PTH2R: variants seen among roughly 807,000 people sequenced by gnomAD.
PTH2R encodes PTH2 receptor.
A neutral mutation model predicts 60.3 loss-of-function variants in PTH2R; 59 were observed. That is an observed-to-expected ratio of 0.98 (90% CI 0.79 to 1.22). The LOEUF (loss-of-function observed/expected upper bound fraction) is 1.22, where lower values mean the gene tolerates loss of function less well. PTH2R is among the 50% of genes most tolerant of loss of function. The pLI, the probability that PTH2R is intolerant of heterozygous loss-of-function variation, is 0.00. For missense variants in PTH2R, 749 were observed against 682.6 expected, an observed-to-expected ratio of 1.10 and a Z score of -1.08; for synonymous variants, 256 against 243.8, an observed-to-expected ratio of 1.05 and a Z score of -0.47.
At chr2:208,370,457 A>T (rs1008741727) in intron 1 of PTH2R, among the ~76,000 whole-genome samples, 7 of 149,490 alleles carry the variant, frequency 4.7e-5, no homozygotes, top group Non-Finnish European at 1.5e-5. Flanking sequence ...AAAAAAAAAA[A>T]AAAAAAAAAA....
chr2:208,429,297 A>G (rs1701922446), intron 2 of PTH2R, among the ~76,000 whole-genome samples: 2 of 152,040 alleles, frequency 1.3e-5, no homozygotes, highest in African/African-American at 2.4e-5. Context: ...ATTTTCTGAG[A>G]TATATATATC....
rs549278439 is a variant in PTH2R at position 208,422,924 on chromosome 2, C to T, written c.76-5277C>T. On this transcript the variant is annotated intron_variant, in intron 1 of 12. Transcript: ENST00000272847. ...CCTTTGCACTTCCCACTCCTCAACTCCTGGCAACCACTATCTCCTTTTCAT... is the reference window on the plus strand; with the variant it reads ...CCTTTGCACTTCCCACTCCTCAACTTCTGGCAACCACTATCTCCTTTTCAT... Among the ~76,000 whole-genome samples the T allele has an allele frequency of 3.2e-4, 48 of 152,274 alleles. No homozygotes were observed. The South Asian group carries it at 1.0e-2, about 32-fold the overall frequency.
chr2:208,364,878 C>A lies in PTH2R; in HGVS notation c.-259+4641C>A, dbSNP rs142950906. Among the ~76,000 whole-genome samples, 491 of 152,092 alleles carry A rather than the reference C, an allele frequency of 3.2e-3. 8 individuals are homozygous for A. Among genetic ancestry groups the A allele is most frequent in the African/African-American group, 0.012 (483 of 41,522 alleles). ...ATAGTTTTCATTATATAAGTTTTTA[C>A]TTCCTTAGTCAATTTCTAAGAATTG... On this transcript the variant is annotated intron_variant, in intron 1 of 12. Transcript: ENST00000617735.
intron 1 of PTH2R, among the ~76,000 whole-genome samples, chr2:208,369,663 T>C (rs758592992): frequency 1.3e-5 from 2 of 152,066 alleles, no homozygotes; most frequent in Non-Finnish European, 2.9e-5. Context: ...TGGCCTGGTC[T>C]CATTTTTATG....
At chr2:208,421,511 G>C (rs1283524209) in intron 1 of PTH2R, among the ~76,000 whole-genome samples, 1 of 151,788 alleles carries the variant, frequency 6.6e-6, no homozygotes, top group African/African-American at 2.4e-5. Flanking sequence ...TAGTTTCATG[G>C]TTCATAAAGG....
chr2:208,384,629 TTAGA>T (rs1181791258), intron 1 of PTH2R, among the ~76,000 whole-genome samples: 1 of 152,226 alleles, frequency 6.6e-6, no homozygotes, highest in Non-Finnish European at 1.5e-5. Flanking sequence ...TTTTTTTCTA[TTAGA>T]TAGACGAACT....
At chr2:208,444,911 C>G in intron 7 of PTH2R, 24 bp downstream of exon 7, 1 of 1,596,608 alleles carries the variant, frequency 6.3e-7, no homozygotes, top group African/African-American at 1.3e-5. Flanking sequence ...ATCTCTGTTC[C>G]TTTCAAACTG....
chr2:208,450,165 C>T (rs1235217044), intron 7 of PTH2R, among the ~76,000 whole-genome samples: 1 of 152,150 alleles, frequency 6.6e-6, no homozygotes, highest in Admixed American at 6.5e-5. Flanking sequence ...ATATCTCGCG[C>T]TCAAATCATC....
At chr2:208,387,942 T>C (rs561057409) in intron 1 of PTH2R, among the ~76,000 whole-genome samples, 8 of 152,290 alleles carry the variant, frequency 5.3e-5, no homozygotes, top group African/African-American at 1.4e-4. Flanking sequence ...TCTGTAAACA[T>C]TGGACCATTC....
At chr2:208,443,603 C>A in intron 6 of PTH2R, 66 bp downstream of exon 6, 1 of 1,351,538 alleles carries the variant, frequency 7.4e-7, no homozygotes, top group Non-Finnish European at 1.0e-6. Context: ...TACAATTTTA[C>A]AGTCCACTAA....
chr2:208,405,117 A>G (rs1701377811), upstream of PTH2R, among the ~76,000 whole-genome samples: 1 of 152,204 alleles, frequency 6.6e-6, no homozygotes, highest in Non-Finnish European at 1.5e-5. Context: ...TTTCCCATTA[A>G]AAAGATGGAT....
intron 1 of PTH2R, among the ~76,000 whole-genome samples, chr2:208,397,534 C>G (rs764774652): frequency 2.6e-5 from 4 of 151,918 alleles, no homozygotes; most frequent in Non-Finnish European, 4.4e-5. Flanking sequence ...TTGTAATAGG[C>G]AAGAAAGAAG....
In PTH2R at chr2:208,414,288, A is replaced by G. The variant is rs115919267; in HGVS notation, c.75+7170A>G. ...GATGACAGTGCTCCTGCTCTGTCAA[A>G]AGCAACTAAAAGTGGAGTTTAATAT... On this transcript the variant is annotated intron_variant, in intron 1 of 12. Transcript: ENST00000272847. 3.9e-3 allele frequency among the ~76,000 whole-genome samples: 591 copies of G among 152,348 alleles called. 4 individuals are homozygous for G. Among genetic ancestry groups the G allele is most frequent in the African/African-American group, 0.013 (553 of 41,590 alleles).
intron 9 of PTH2R, among the ~76,000 whole-genome samples, chr2:208,462,494 G>A (rs1389688840): frequency 6.6e-6 from 1 of 152,166 alleles, no homozygotes; most frequent in Non-Finnish European, 1.5e-5. Context: ...TAGATTGCCA[G>A]TGGCACCGGT....
rs1488100551 is a variant in PTH2R, at chr2:208,481,162, CAGGTA to C, written c.1076_1076+4del. 2 of 1,587,110 alleles carry C rather than the reference CAGGTA, an allele frequency of 1.3e-6. No homozygotes were observed. The highest frequency in any genetic ancestry group is 2.7e-5 in the African/African-American group (2 of 73,880). On this transcript the variant is annotated splice_donor_variant and splice_donor_region_variant and coding_sequence_variant and intron_variant, in exon 10 of 13. Coordinates refer to ENST00000272847, the MANE Select transcript of PTH2R (RefSeq NM_005048.4). LOFTEE classifies it high-confidence loss of function. ...TTGGGCATGACACAAGGAAGCAATA[CAGGTA>C]ATTTCAGGAGAGGCATCCATCAGAG...
chr2:208,418,760 G>A (rs531616480), intron 1 of PTH2R, among the ~76,000 whole-genome samples: 16 of 152,118 alleles, frequency 1.1e-4, no homozygotes, highest in African/African-American at 3.6e-4. Context: ...ACAAAAGGTA[G>A]CATTCAATTT....
rs1262397928 is a variant in PTH2R at position 208,489,059 on chromosome 2, A to G, written c.1124A>G (p.His375Arg). ...TLVLVLVFGV[H>R]YIVFVCLPHS... ...GTCCTGGTCCTAGTCTTTGGAGTGC[A>G]TTACATCGTGTTCGTATGCCTGCCT... is the stretch of plus-strand genomic sequence containing the variant. Residue 375 changes from histidine to arginine, a missense_variant, in exon 11 of 13, where the codon CAT becomes CGT. His to Arg is a conservative substitution (Grantham distance 29, BLOSUM62 0). Coordinates refer to ENST00000272847, the MANE Select transcript of PTH2R (RefSeq NM_005048.4). 6.2e-7 allele frequency: 1 copy of G among 1,614,112 alleles called. No individual in the cohort carries two copies. The highest frequency in any genetic ancestry group is 8.5e-7 in the Non-Finnish European group (1 of 1,180,020).
intron 10 of PTH2R, among the ~76,000 whole-genome samples, chr2:208,482,033 C>A (rs1370186872): frequency 6.6e-6 from 1 of 152,164 alleles, no homozygotes; most frequent in African/African-American, 2.4e-5. Flanking sequence ...ACACATACAT[C>A]TAGTAATCAG....
intron 1 of PTH2R, among the ~76,000 whole-genome samples, chr2:208,380,031 A>G (rs940774412): frequency 6.6e-6 from 1 of 152,106 alleles, no homozygotes; most frequent in South Asian, 2.1e-4. Flanking sequence ...GAACATGGGC[A>G]TGACCCCAGG....
Sources: allele counts gnomAD v4.1 joint callset (sites outside exome capture counted in the v4.1 genomes callset), GRCh38; gene constraint gnomAD v4.1.1; transcripts MANE v1.5; gene names NCBI Gene and HGNC (gene_info 2026-07-23, HGNC 2026-07-21).